Variants in TRRAP observed in about 807,000 individuals in gnomAD.
TRRAP encodes the protein transformation/transcription domain associated protein.
Under a neutral mutation model 438.8 loss-of-function variants are expected in TRRAP, and 41 were observed. That is an observed-to-expected ratio of 0.09 (90% CI 0.07 to 0.12). The LOEUF is 0.12. Among genes scored for constraint, TRRAP ranks in the 10% least tolerant of loss-of-function variants. TRRAP has a pLI of 1.00. For missense variants in TRRAP, 3,122 were observed against 5,055.1 expected (o/e 0.62, Z 11.60); for synonymous variants, 1,994 against 1,962.9 (o/e 1.02, Z -0.42).
Position 98,984,200 on chromosome 7 carries a change from G to A in TRRAP, c.9130G>A (p.Ala3044Thr), listed in dbSNP as rs773327749. The change falls in exon 61 of 73, where the codon GCC (alanine) becomes ACC (threonine). Residue 3044 changes from alanine to threonine, a missense_variant. Physicochemically the swap from Ala to Thr is moderately conservative, Grantham distance 58. Coordinates refer to ENST00000456197, the MANE Select transcript of TRRAP (RefSeq NM_001375524.1). ...ASAIIQYGKI[A>T]RKQGLVNVAL... ...AGCGATCATCCAGTATGGAAAAATC[G>A]CCCGGAAACAAGGACTGGTCAATGT... 1.3e-5 allele frequency: 21 copies of A among 1,613,978 alleles called. No homozygotes were observed. Among genetic ancestry groups the A allele is most frequent in the East Asian group, 4.5e-5 (2 of 44,900 alleles).
Position 99,005,020 on chromosome 7 carries a change from G to T in TRRAP, c.10536-111G>T. ...CAAATAAATTGATAAACGACCGCTG[G>T]CCTACACAGTCCGTTTTCCCGTGAC... On this transcript the variant is annotated intron_variant, in intron 68 of 72. Coordinates refer to ENST00000456197, the MANE Select transcript of TRRAP (RefSeq NM_001375524.1). The surrounding 1 kb of genome is among the most constrained non-coding windows in gnomAD (Gnocchi z 5.1). 1 of 1,040,494 alleles carries T rather than the reference G, an allele frequency of 9.6e-7. No homozygotes were observed. Among genetic ancestry groups the T allele is most frequent in the Admixed American group, 1.8e-5 (1 of 56,654 alleles). 64.5% of individuals were successfully genotyped at this position (1,040,494 alleles called of 1,614,324 possible).
Position 98,937,219 on chromosome 7 carries a change from A to G in TRRAP, c.4175A>G (p.Lys1392Arg), listed in dbSNP as rs1296834465. 6.2e-7 allele frequency: 1 copy of G among 1,613,632 alleles called. No homozygotes were observed. Among genetic ancestry groups the G allele is most frequent in the Non-Finnish European group, 8.5e-7 (1 of 1,179,732 alleles). ...SREKIIAALF[K>R]ALNSTNSELQ... ...GAGAAAATCATCGCTGCACTCTTCAAAGCCCTGAATTCCACCAATAGTGAG... is the reference window on the plus strand; with the variant it reads ...GAGAAAATCATCGCTGCACTCTTCAGAGCCCTGAATTCCACCAATAGTGAG... The change falls in exon 29 of 73, where the codon AAA (lysine) becomes AGA (arginine). Residue 1392 changes from lysine (K) to arginine (R), a missense_variant. Around this residue, in one of 24 missense-constraint regions of TRRAP, gnomAD observed 84 missense variants for 119.8 expected, o/e 0.70. Transcript: ENST00000456197.
At chr7:98,913,820 C>T (rs1433350649) in intron 18 of TRRAP, among the ~76,000 whole-genome samples, 1 of 152,124 alleles carries the variant, frequency 6.6e-6, no homozygotes, top group African/African-American at 2.4e-5. Flanking sequence ...TAAAACCCAT[C>T]CATAGTTATA....
At chr7:98,959,619 C>T in intron 45 of TRRAP, 129 bp downstream of exon 45, 1 of 1,371,506 alleles carries the variant, frequency 7.3e-7, no homozygotes, top group South Asian at 1.5e-5. Context: ...TCTCCTGTCC[C>T]CTTTGCCAGT....
At position 98,971,858 on chromosome 7, in the gene TRRAP, A is replaced by G; in HGVS notation, c.7752A>G (p.Lys2584=). 1 of 1,614,248 alleles carries G rather than the reference A, an allele frequency of 6.2e-7. No individual in the cohort carries two copies. Among genetic ancestry groups the G allele is most frequent in the Non-Finnish European group, 8.5e-7 (1 of 1,180,054 alleles). The stretch of plus-strand genomic sequence containing the variant: ...ATCAGACCAGCACGCCCAAAACCAA[A>G]GAACTTTCAGAAAAGGACATTGGAA... ...PGDQTSTPKT[K]ELSEKDIGNQ... is the part of the protein sequence containing the mutation. The change falls in exon 53 of 73, where the codon AAA becomes AAG. Residue 2584 remains lysine (K), a synonymous_variant. Coordinates refer to ENST00000456197, the MANE Select transcript of TRRAP (RefSeq NM_001375524.1).
intron 39 of TRRAP, 78 bp from the exon 40 acceptor site, chr7:98,953,089 C>A: frequency 2.2e-5 from 33 of 1,503,606 alleles, no homozygotes; most frequent in Admixed American, 3.6e-5. Flanking sequence ...GTTTTTAAGG[C>A]TTAAACCTGT....
At chr7:98,916,035 C>G in intron 19 of TRRAP, 147 bp downstream of exon 19, 1 of 1,102,372 alleles carries the variant, frequency 9.1e-7, no homozygotes, top group South Asian at 1.6e-5. Context: ...GCCCCCCTGC[C>G]CCCCTCCCCT....
At chr7:98,943,499 C>T (rs1790895989) in intron 31 of TRRAP, among the ~76,000 whole-genome samples, 1 of 152,132 alleles carries the variant, frequency 6.6e-6, no homozygotes, top group Non-Finnish European at 1.5e-5. Flanking sequence ...AAAAGGAATC[C>T]CATAAATACT....
At chr7:98,989,949 C>T (rs193027276) in intron 63 of TRRAP, among the ~76,000 whole-genome samples, 77 of 152,222 alleles carry the variant, frequency 5.1e-4, no homozygotes, top group African/African-American at 1.6e-3. Context: ...ATCAAAAGGC[C>T]GGGAGTGGTG....
In TRRAP at chr7:99,011,355, G is replaced by C. The variant is rs774143281; in HGVS notation, c.11157G>C (p.Leu3719=). 4.0e-5 allele frequency: 64 copies of C among 1,614,010 alleles called. No individual in the cohort carries two copies. The highest frequency in any genetic ancestry group is 4.9e-5 in the Non-Finnish European group (58 of 1,179,984). ...CTGAAATTTAGGACACTGGCAAACTGAATGTTGCCTACTTTCGATTTGACA... is the reference window on the plus strand; with the variant it reads ...CTGAAATTTAGGACACTGGCAAACTCAATGTTGCCTACTTTCGATTTGACA... ...MLQIAQDTGK[L]NVAYFRFDIN... The change falls in exon 72 of 73, where the codon CTG becomes CTC. Residue 3719 remains leucine, a synonymous_variant. Transcript: ENST00000456197. This position sits in a 1 kb window ranked among gnomAD's most constrained non-coding sequence, Gnocchi z 7.1.
intron 30 of TRRAP, among the ~76,000 whole-genome samples, chr7:98,940,834 C>T (rs1554415439): frequency 6.6e-6 from 1 of 152,180 alleles, no homozygotes; most frequent in African/African-American, 2.4e-5. Flanking sequence ...ACACACTTTT[C>T]CCTACTTAAT....
Position 98,983,416 on chromosome 7 carries a change from C to T in TRRAP, c.8979C>T (p.Ser2993=), listed in dbSNP as rs752748768. ...TGCCCATCGTGTCTGACGACTTGTCCCACTGGAGCAGCATCTTCATGTGGA... is the reference window on the plus strand; with the variant it reads ...TGCCCATCGTGTCTGACGACTTGTCTCACTGGAGCAGCATCTTCATGTGGA... ...NRLPIVSDDL[S]HWSSIFMWRQ... The change falls in exon 60 of 73, where the codon TCC becomes TCT. Residue 2993 remains serine (S), a synonymous_variant. Transcript: ENST00000456197. 67 of 1,614,046 alleles carry T rather than the reference C, an allele frequency of 4.2e-5. No individual in the cohort carries two copies. The highest frequency in any genetic ancestry group is 5.3e-5 in the Non-Finnish European group (62 of 1,180,040).
chr7:98,953,016 A>G (rs1292415962), intron 39 of TRRAP, 151 bp from the exon 40 acceptor site: 1 of 1,164,996 alleles, frequency 8.6e-7, no homozygotes, highest in African/African-American at 1.6e-5. Context: ...CCTCCTTGTA[A>G]AACTTCATGT....
chr7:98,927,113 G>C, intron 22 of TRRAP, 54 bp from the exon 23 acceptor site: 1 of 1,593,346 alleles, frequency 6.3e-7, no homozygotes, highest in South Asian at 1.1e-5. Context: ...TCCTAGTGGA[G>C]TCATCAGCTC....
chr7:98,887,811 C>T (rs1476467794), intron 3 of TRRAP, among the ~76,000 whole-genome samples: 1 of 151,104 alleles, frequency 6.6e-6, no homozygotes, highest in Non-Finnish European at 1.5e-5. Context: ...TTTCACTGTC[C>T]TTCCTTTATA....
intron 50 of TRRAP, 87 bp downstream of exon 50, chr7:98,967,249 T>C: frequency 6.7e-7 from 1 of 1,501,296 alleles, no homozygotes; most frequent in Non-Finnish European, 9.0e-7. Flanking sequence ...GATTTTAATC[T>C]TTTACTCATA....
At chr7:98,941,824 TAAGGTTGGGA>T (rs1790811197) in intron 30 of TRRAP, among the ~76,000 whole-genome samples, 1 of 152,172 alleles carries the variant, frequency 6.6e-6, no homozygotes, top group African/African-American at 2.4e-5. Context: ...ATTGGCCACG[TAAGGTTGGGA>T]AACGCGGCTT....
chr7:98,958,145 C>CTG, intron 44 of TRRAP, 54 bp downstream of exon 44: 1 of 1,484,656 alleles, frequency 6.7e-7, no homozygotes, highest in Non-Finnish European at 9.3e-7. Context: ...AGGCTACTGA[C>CTG]TAACACCCCA....
chr7:99,002,817 C>T (rs1793993450), intron 67 of TRRAP, among the ~76,000 whole-genome samples: 1 of 152,222 alleles, frequency 6.6e-6, no homozygotes, highest in Admixed American at 6.5e-5. Flanking sequence ...GAATAGGCCA[C>T]TCGTATAGCT....
Sources: gnomAD v4.1 joint callset for allele counts (sites outside exome capture counted in the v4.1 genomes callset) on GRCh38, gnomAD v4.1.1 for gene constraint, gnomAD v4.1.1 regional missense constraint, Gnocchi (gnomAD v3.1) non-coding constraint, MANE v1.5 for transcripts, NCBI Gene and HGNC (gene_info 2026-07-23, HGNC 2026-07-21) for gene names.